Variants in PM20D1 observed in about 807,000 individuals in gnomAD.
PM20D1 encodes the protein N-fatty-acyl-amino acid synthase/hydrolase PM20D1.
PM20D1 carries 53 observed loss-of-function variants against 53.8 expected under a neutral mutation model. That is an observed-to-expected ratio of 0.98 (90% confidence interval 0.79 to 1.24). PM20D1 has a LOEUF of 1.24. Among genes scored for constraint, PM20D1 ranks in the 50% most tolerant of loss-of-function variants. PM20D1 has a pLI of 0.00. For missense variants in PM20D1, 564 were observed against 616.8 expected (o/e 0.91, Z 0.91); for synonymous variants, 239 against 241.3 (o/e 0.99, Z 0.09).
intron 12 of PM20D1, among the ~76,000 whole-genome samples, chr1:205,829,598 CAG>C: frequency 6.6e-6 from 1 of 152,236 alleles, no homozygotes; most frequent in Non-Finnish European, 1.5e-5. Context: ...TGAAAGGAAA[CAG>C]AGTACCTACC....
intron 12 of PM20D1, chr1:205,829,930 C>T (rs1211790523): frequency 5.0e-6 from 1 of 200,344 alleles, no homozygotes; most frequent in African/African-American, 2.3e-5. Flanking sequence ...TGAGGAGTCT[C>T]CCCATTTTGT....
intron 10 of PM20D1, 114 bp downstream of exon 10, chr1:205,840,138 T>C: frequency 1.3e-6 from 1 of 793,920 alleles, no homozygotes; most frequent in Non-Finnish European, 1.9e-6. Flanking sequence ...TGAAAAATGT[T>C]GGTTGAATAA....
intron 10 of PM20D1, among the ~76,000 whole-genome samples, chr1:205,836,309 G>A (rs1353195420): frequency 6.6e-6 from 1 of 152,162 alleles, no homozygotes; most frequent in Non-Finnish European, 1.5e-5. Context: ...AACAGGTAAG[G>A]TCTTTAGAGT....
chr1:205,835,612 A>G (rs1276448950), intron 10 of PM20D1, among the ~76,000 whole-genome samples: 2 of 124,768 alleles, frequency 1.6e-5, no homozygotes, highest in Admixed American at 1.1e-4. Flanking sequence ...AGATCGTGCC[A>G]CTGCACTCCA....
intron 2 of PM20D1, 28 bp from the exon 3 acceptor site, chr1:205,845,585 A>T (rs1348347879): frequency 6.4e-7 from 1 of 1,569,244 alleles, no homozygotes; most frequent in East Asian, 2.2e-5. Context: ...AGGAAGAGAG[A>T]ACCAGGGTTA....
intron 6 of PM20D1, 102 bp downstream of exon 6, chr1:205,843,565 C>T: frequency 1.3e-6 from 2 of 1,492,034 alleles, no homozygotes; most frequent in Non-Finnish European, 1.8e-6. Context: ...TTTCCCAGCC[C>T]AACTTTAGGG....
chr1:205,844,133 A>C lies in PM20D1; in HGVS notation c.661T>G (p.Phe221Val), dbSNP rs1373352362. ...TTAGGAATGAAATCATCCAAGATGA[A>C]GCCCCCCTCGTCCACAATGAAGGCT... Reference protein sequence around the residue: ...QLAFIVDEGGFILDDFIPNFK... With the variant: ...QLAFIVDEGGVILDDFIPNFK... Residue 221 changes from phenylalanine (F) to valine (V), a missense_variant, in exon 5 of 13, where the codon TTC (phenylalanine) becomes GTC (valine). Phe to Val is a conservative substitution (Grantham distance 50). Transcript: ENST00000367136. 1 of 1,613,804 alleles carries C rather than the reference A, an allele frequency of 6.2e-7. No individual in the cohort carries two copies. Among genetic ancestry groups the C allele is most frequent in the East Asian group, 2.2e-5 (1 of 44,886 alleles).
chr1:205,828,232 GCT>G lies in PM20D1; in HGVS notation c.*386_*387del, dbSNP rs1656484527. On this transcript the variant is annotated 3_prime_UTR_variant, in exon 13 of 13. Transcript: ENST00000367136. ...AGTTCTAGTAAGAAGAAATATATAA[GCT>G]CTGGAGAAAGCATCCCAGCAAGAGT... The G allele has an allele frequency of 5.9e-6, 1 of 170,584 alleles. No homozygotes were observed. Among genetic ancestry groups the G allele is most frequent in the Admixed American group, 6.0e-5 (1 of 16,670 alleles). 10.6% of individuals were successfully genotyped at this position (170,584 alleles called of 1,614,324 possible).
At position 205,845,288 on chromosome 1, in the gene PM20D1, T is replaced by G. The variant is rs759486830; in HGVS notation, c.489+37A>C. 1.9e-6 allele frequency: 3 copies of G among 1,591,174 alleles called. No individual in the cohort carries two copies. The South Asian group carries it at 3.3e-5, about 18-fold the overall frequency. Reference sequence around the variant, plus strand: ...AAGCACCCCCATCCTGATTGATCTTTAGGGCCCCAAGGCAGAGGGAACATT... The same window carrying G: ...AAGCACCCCCATCCTGATTGATCTTGAGGGCCCCAAGGCAGAGGGAACATT... On this transcript the variant is annotated intron_variant, in intron 3 of 12. Transcript: ENST00000367136.
chr1:205,835,109 A>G (rs1223497534), intron 10 of PM20D1, among the ~76,000 whole-genome samples: 1 of 152,212 alleles, frequency 6.6e-6, no homozygotes, highest in Admixed American at 6.5e-5. Context: ...ACGTACAGTT[A>G]GAGGTGGTGT....
At chr1:205,849,807 G>A (rs1571684787) in intron 1 of PM20D1, 97 bp downstream of exon 1, 2 of 1,457,166 alleles carry the variant, frequency 1.4e-6, no homozygotes, top group East Asian at 4.8e-5. Flanking sequence ...AGCTGCAGTA[G>A]CAGATGCTTT....
intron 10 of PM20D1, 98 bp downstream of exon 10, chr1:205,840,154 A>G: frequency 1.0e-6 from 1 of 973,040 alleles, no homozygotes; most frequent in Non-Finnish European, 1.5e-6. Context: ...AATAAATGGG[A>G]CACTGGACCA....
Position 205,841,796 on chromosome 1 carries a change from AACCAGGGATGTT to A in PM20D1, c.1044+3_1044+14del, listed in dbSNP as rs749486529. The A allele has an allele frequency of 5.1e-6, 8 of 1,556,126 alleles. No homozygotes were observed. In the East Asian group the frequency reaches 1.4e-4, roughly 28 times the overall value. On this transcript the variant is annotated splice_donor_5th_base_variant and intron_variant, in intron 9 of 12. Transcript: ENST00000367136. Reference sequence around the variant, plus strand: ...GGTAGGGAAAAGCTATATGGGGAGGAACCAGGGATGTTACCTTGACCCCTGCTTTGAATATGG... The same window carrying A: ...GGTAGGGAAAAGCTATATGGGGAGGAACCTTGACCCCTGCTTTGAATATGG...
intron 2 of PM20D1, among the ~76,000 whole-genome samples, chr1:205,847,017 T>TC (rs1657005639): frequency 1.5e-5 from 2 of 134,742 alleles, no homozygotes; most frequent in Non-Finnish European, 3.2e-5. Flanking sequence ...TTTTTTTTTT[T>TC]TTTTTTTTTT....
intron 10 of PM20D1, among the ~76,000 whole-genome samples, chr1:205,834,739 CTG>C (rs1352513815): frequency 2.6e-5 from 4 of 152,198 alleles, no homozygotes; most frequent in Non-Finnish European, 5.9e-5. Context: ...TGGGTTGGGA[CTG>C]TGCCCACTGC....
chr1:205,835,171 T>C (rs1656656198), intron 10 of PM20D1, among the ~76,000 whole-genome samples: 1 of 152,140 alleles, frequency 6.6e-6, no homozygotes, highest in South Asian at 2.1e-4. Context: ...CTTAGTGGTA[T>C]GAATGTTTAG....
chr1:205,837,366 C>T (rs934135903), intron 10 of PM20D1, among the ~76,000 whole-genome samples: 2 of 152,236 alleles, frequency 1.3e-5, no homozygotes, highest in Non-Finnish European at 2.9e-5. Flanking sequence ...CAAACATCTC[C>T]CACTGGCCTT....
intron 2 of PM20D1, 72 bp from the exon 3 acceptor site, chr1:205,845,629 T>A: frequency 7.8e-7 from 1 of 1,273,998 alleles, no homozygotes; most frequent in Non-Finnish European, 1.1e-6. Flanking sequence ...CAAGTTGTGC[T>A]TCCTGTTCCT....
At chr1:205,847,573 G>A (rs1657019185) in intron 2 of PM20D1, among the ~76,000 whole-genome samples, 1 of 147,792 alleles carries the variant, frequency 6.8e-6, no homozygotes, top group Non-Finnish European at 1.5e-5. Context: ...ACATAGTTCT[G>A]GGCAGTTGCA....
Sources: allele counts gnomAD v4.1 joint callset (sites outside exome capture counted in the v4.1 genomes callset), GRCh38; gene constraint gnomAD v4.1.1; transcripts MANE v1.5; gene names NCBI Gene and HGNC (gene_info 2026-07-23, HGNC 2026-07-21).